KCNMA1: variants seen among roughly 807,000 people sequenced by gnomAD.
KCNMA1 encodes the protein Calcium-activated potassium channel subunit alpha-1.
Under a neutral mutation model 140.0 loss-of-function variants are expected in KCNMA1, and 29 were observed. That is an observed-to-expected ratio of 0.21 (90% CI 0.15 to 0.28). The LOEUF (loss-of-function observed/expected upper bound fraction) is 0.28, where lower values mean the gene tolerates loss of function less well. KCNMA1 is among the 10% of genes least tolerant of loss of function. The probability of loss-of-function intolerance (pLI) is 1.00; values close to 1 mark genes in which losing one functional copy is unlikely to be tolerated. For synonymous variants in KCNMA1, 612 were observed against 611.9 expected, an observed-to-expected ratio of 1.00 and a Z score of 0.00; for missense variants, 880 against 1,602.2, an observed-to-expected ratio of 0.55 and a Z score of 7.70.
intron 2 of KCNMA1, among the ~76,000 whole-genome samples, chr10:77,318,183 T>A (rs2081372441): frequency 6.6e-6 from 1 of 152,210 alleles, no homozygotes; most frequent in African/African-American, 2.4e-5. Flanking sequence ...GGCATCATCA[T>A]ATTGCAATAT....
rs1236006290 is a variant in KCNMA1, at chr10:76,989,375, C to A, written c.2266+12032G>T. Among the ~76,000 whole-genome samples the A allele has an allele frequency of 3.3e-5, 5 of 152,240 alleles. No homozygotes were observed. In the East Asian group the frequency reaches 9.7e-4, roughly 29 times the overall value. On this transcript the variant is annotated intron_variant, in intron 19 of 27. Coordinates refer to ENST00000286628, the MANE Select transcript of KCNMA1 (RefSeq NM_001161352.2). ...TTTCTACACACATAATTGTTCCTCA[C>A]AGGACCTACCACGATGTTGGGTAAT...
intron 1 of KCNMA1, among the ~76,000 whole-genome samples, chr10:77,444,643 C>G (rs2097486383): frequency 6.6e-6 from 1 of 152,158 alleles, no homozygotes; most frequent in Non-Finnish European, 1.5e-5. Context: ...GAGACGGGGG[C>G]TGTCCTCAGG....
intron 16 of KCNMA1, among the ~76,000 whole-genome samples, chr10:77,024,556 A>G (rs1419257948): frequency 6.6e-6 from 1 of 152,096 alleles, no homozygotes; most frequent in Non-Finnish European, 1.5e-5. Flanking sequence ...GGAACTATTA[A>G]CCCAAAAGTT....
chr10:76,946,956 G>C (rs2064167118), intron 22 of KCNMA1, among the ~76,000 whole-genome samples: 1 of 152,220 alleles, frequency 6.6e-6, no homozygotes, highest in East Asian at 1.9e-4. Context: ...TTGTGCTTGA[G>C]TATGTTAAAT....
At chr10:77,595,559 T>C (rs184097015) in intron 1 of KCNMA1, among the ~76,000 whole-genome samples, 2 of 152,156 alleles carry the variant, frequency 1.3e-5, no homozygotes, top group East Asian at 3.9e-4. Context: ...CCCATCTAGA[T>C]TGTTGCTGAG....
chr10:77,179,921 A>G (rs1166916005), intron 5 of KCNMA1, among the ~76,000 whole-genome samples: 2 of 152,204 alleles, frequency 1.3e-5, no homozygotes, highest in African/African-American at 2.4e-5. Flanking sequence ...ACACCGTTAC[A>G]TGCACTAGGA....
At chr10:77,065,152 T>C (rs903179673) in intron 14 of KCNMA1, among the ~76,000 whole-genome samples, 1 of 152,090 alleles carries the variant, frequency 6.6e-6, no homozygotes, top group Non-Finnish European at 1.5e-5. Flanking sequence ...CTATTATGAG[T>C]CAGGCGCTGT....
intron 11 of KCNMA1, among the ~76,000 whole-genome samples, chr10:77,085,551 T>C (rs2096671595): frequency 6.6e-6 from 1 of 152,184 alleles, no homozygotes; most frequent in Non-Finnish European, 1.5e-5. Context: ...TAAGAATTCT[T>C]ATGCTGGCTC....
intron 2 of KCNMA1, among the ~76,000 whole-genome samples, chr10:77,351,143 A>G (rs2092827757): frequency 6.6e-6 from 1 of 152,230 alleles, no homozygotes; most frequent in African/African-American, 2.4e-5. Flanking sequence ...TATTACTGTG[A>G]TATGTTTAAA....
chr10:77,047,099 A>G (rs1276213601), intron 14 of KCNMA1, among the ~76,000 whole-genome samples: 1 of 152,162 alleles, frequency 6.6e-6, no homozygotes, highest in Non-Finnish European at 1.5e-5. Context: ...TTCAGAGAGC[A>G]TTTTCCAGAA....
chr10:77,528,984 T>G (rs768574977), intron 1 of KCNMA1, among the ~76,000 whole-genome samples: 7 of 152,180 alleles, frequency 4.6e-5, no homozygotes, highest in Non-Finnish European at 8.8e-5. Flanking sequence ...CCATCTGCAG[T>G]GCTGGACGGT....
At chr10:77,033,783 G>C (rs938121980) in intron 15 of KCNMA1, among the ~76,000 whole-genome samples, 1 of 152,022 alleles carries the variant, frequency 6.6e-6, no homozygotes, top group Non-Finnish European at 1.5e-5. Flanking sequence ...TAGGGTCAAC[G>C]GTTTATTCAC....
intron 25 of KCNMA1, chr10:76,904,415 C>G (rs2046918807): frequency 6.6e-6 from 1 of 152,296 alleles, no homozygotes; most frequent in South Asian, 2.1e-4. Flanking sequence ...GCGCATGGGT[C>G]TCTCCATAGG....
At chr10:77,543,925 C>G (rs2154555557) in intron 1 of KCNMA1, among the ~76,000 whole-genome samples, 1 of 152,136 alleles carries the variant, frequency 6.6e-6, no homozygotes, top group East Asian at 1.9e-4. Context: ...AGCAATGACT[C>G]CATCTTCTTA....
At chr10:77,332,908 T>C (rs138106757) in intron 2 of KCNMA1, among the ~76,000 whole-genome samples, 1 of 152,362 alleles carries the variant, frequency 6.6e-6, no homozygotes, top group East Asian at 1.9e-4. Context: ...CACCTGTGTG[T>C]TAATCTAATT....
In KCNMA1 at chr10:77,600,322, G is replaced by A. The variant is rs1321751108; in HGVS notation, c.378+36943C>T. Among the ~76,000 whole-genome samples, 3 of 152,222 alleles carry A rather than the reference G, an allele frequency of 2.0e-5. No individual in the cohort carries two copies. In the East Asian group the frequency reaches 5.8e-4, roughly 29 times the overall value. On this transcript the variant is annotated intron_variant, in intron 1 of 27. Coordinates refer to ENST00000286628, the MANE Select transcript of KCNMA1 (RefSeq NM_001161352.2). ...GACCTATCAAAAGGTAATGGAGGAG[G>A]AGGAGGTGGCAGCCTAGTGGGGAGA...
chr10:76,970,329 G>GA (rs10563488), intron 19 of KCNMA1: 383 of 186,976 alleles, frequency 2.0e-3, no homozygotes, highest in South Asian at 3.1e-3. Flanking sequence ...CCTGCCATAA[G>GA]AAAAAAAAAA....
chr10:77,332,903 G>C (rs1355782917), intron 2 of KCNMA1, among the ~76,000 whole-genome samples: 1 of 152,216 alleles, frequency 6.6e-6, no homozygotes, highest in African/African-American at 2.4e-5. Context: ...ACATGCACCT[G>C]TGTGTTAATC....
chr10:77,180,845 T>C (rs2098797449), intron 5 of KCNMA1, among the ~76,000 whole-genome samples: 1 of 152,162 alleles, frequency 6.6e-6, no homozygotes, highest in South Asian at 2.1e-4. Context: ...CTCTTTTATT[T>C]CCTATTCAAT....
Sources: gnomAD v4.1 joint callset for allele counts (sites outside exome capture counted in the v4.1 genomes callset) on GRCh38, gnomAD v4.1.1 for gene constraint, MANE v1.5 for transcripts, NCBI Gene and HGNC (gene_info 2026-07-23, HGNC 2026-07-21) for gene names.